ADCY1: variants seen among roughly 807,000 people sequenced by gnomAD.
ADCY1 encodes the protein adenylate cyclase type 1.
Under a neutral mutation model 105.4 loss-of-function variants are expected in ADCY1, and 28 were observed. That is an observed-to-expected ratio of 0.27 (90% confidence interval 0.20 to 0.36). The LOEUF is 0.36. ADCY1 is among the 10% of genes least tolerant of loss of function. The pLI is 1.00. For synonymous variants in ADCY1, 655 were observed against 623.8 expected, an observed-to-expected ratio of 1.05 and a Z score of -0.75; for missense variants, 977 against 1,434.2, an observed-to-expected ratio of 0.68 and a Z score of 5.15.
chr7:45,700,195 C>G (rs1361306094), intron 14 of ADCY1, among the ~76,000 whole-genome samples: 1 of 152,168 alleles, frequency 6.6e-6, no homozygotes, highest in African/African-American at 2.4e-5. Flanking sequence ...GACATGTGCA[C>G]CCTGCCCAGC....
At chr7:45,610,828 T>C (rs1562687210) in intron 3 of ADCY1, among the ~76,000 whole-genome samples, 13 of 32,398 alleles carry the variant, frequency 4.0e-4, no homozygotes, top group East Asian at 8.4e-4. Context: ...ATGGAGGTGA[T>C]AGTGGAGGTG....
intron 5 of ADCY1, among the ~76,000 whole-genome samples, chr7:45,656,841 G>C (rs999318211): frequency 1.9e-4 from 29 of 152,208 alleles, no homozygotes; most frequent in African/African-American, 6.8e-4. Flanking sequence ...GCTTTTGTTA[G>C]TATTTCCATC....
chr7:45,670,052 T>C (rs1384856244), intron 8 of ADCY1, among the ~76,000 whole-genome samples: 1 of 152,242 alleles, frequency 6.6e-6, no homozygotes, highest in East Asian at 1.9e-4. Context: ...AATTTTTTCT[T>C]TTAATAAGCA....
intron 4 of ADCY1, among the ~76,000 whole-genome samples, chr7:45,637,399 G>A (rs1794418824): frequency 6.6e-6 from 1 of 152,088 alleles, no homozygotes; most frequent in South Asian, 2.1e-4. Flanking sequence ...CATTTATGCA[G>A]TCTATTTCTT....
At chr7:45,684,926 T>C (rs1010746464) in intron 11 of ADCY1, 53 bp from the exon 12 acceptor site, 33 of 1,519,510 alleles carry the variant, frequency 2.2e-5, no homozygotes, top group Admixed American at 1.3e-4. Context: ...ACTGTGCACG[T>C]GAATCACCTT....
At chr7:45,598,006 C>G (rs1254340386) in intron 2 of ADCY1, among the ~76,000 whole-genome samples, 1 of 152,216 alleles carries the variant, frequency 6.6e-6, no homozygotes, top group Non-Finnish European at 1.5e-5. Context: ...CCCTGGGCCC[C>G]TGCCCTTCAT....
At chr7:45,615,090 C>T (rs1793701488) in intron 3 of ADCY1, among the ~76,000 whole-genome samples, 1 of 152,158 alleles carries the variant, frequency 6.6e-6, no homozygotes, top group Admixed American at 6.5e-5. Flanking sequence ...TTCTCAAGTG[C>T]ACATGGATCT....
intron 14 of ADCY1, among the ~76,000 whole-genome samples, chr7:45,687,657 C>T (rs991282454): frequency 6.6e-6 from 1 of 152,222 alleles, no homozygotes; most frequent in Non-Finnish European, 1.5e-5. Context: ...AATAGCTCTT[C>T]GCTGTTGGAG....
chr7:45,703,791 T>C lies in ADCY1; in HGVS notation c.2718+45T>C. ...TCCTGACCCCGCCTGGTTGTGGTGG[T>C]GCATCCTGTTGCGTGGGCAGAGCGT... On this transcript the variant is annotated intron_variant, in intron 16 of 19. Coordinates refer to ENST00000297323, the MANE Select transcript of ADCY1 (RefSeq NM_021116.4). This position sits in a 1 kb window ranked among gnomAD's most constrained non-coding sequence, Gnocchi z 5.9. The C allele has an allele frequency of 6.5e-7, 1 of 1,530,376 alleles. No homozygotes were observed. Among genetic ancestry groups the C allele is most frequent in the Non-Finnish European group, 8.8e-7 (1 of 1,136,300 alleles). The allele number at this position is 1,530,376 out of a possible 1,614,324, so 94.8% of individuals were successfully genotyped here.
intron 4 of ADCY1, among the ~76,000 whole-genome samples, chr7:45,638,804 C>T (rs1257980177): frequency 6.6e-6 from 1 of 152,122 alleles, no homozygotes; most frequent in Non-Finnish European, 1.5e-5. Context: ...AAAGAGCTAC[C>T]TTTCCTTCTA....
chr7:45,692,491 C>T (rs2116227905), intron 14 of ADCY1, among the ~76,000 whole-genome samples: 1 of 152,256 alleles, frequency 6.6e-6, no homozygotes, highest in African/African-American at 2.4e-5. Context: ...GATGTGATAT[C>T]ATTTAAATGT....
chr7:45,638,540 C>T (rs1267054969), intron 4 of ADCY1, among the ~76,000 whole-genome samples: 1 of 144,694 alleles, frequency 6.9e-6, no homozygotes, highest in East Asian at 2.0e-4. Flanking sequence ...GTTGGTGTTA[C>T]GTATTTTTCA....
chr7:45,688,458 G>A (rs1409378705), intron 14 of ADCY1, among the ~76,000 whole-genome samples: 1 of 152,154 alleles, frequency 6.6e-6, no homozygotes, highest in African/African-American at 2.4e-5. Context: ...GGTGTGAGGA[G>A]CATCTGGAGG....
At chr7:45,594,953 CAT>C (rs1236031509) in intron 2 of ADCY1, among the ~76,000 whole-genome samples, 1 of 152,166 alleles carries the variant, frequency 6.6e-6, no homozygotes, top group Non-Finnish European at 1.5e-5. Flanking sequence ...TTTGCACAGA[CAT>C]AGCTACTGGT....
chr7:45,593,059 G>T (rs1792971012), intron 2 of ADCY1, 151 bp downstream of exon 2: 1 of 1,196,768 alleles, frequency 8.4e-7, no homozygotes, highest in South Asian at 1.6e-5. Flanking sequence ...TGGAGGAGAT[G>T]CCCTGAGGTT....
intron 4 of ADCY1, among the ~76,000 whole-genome samples, chr7:45,630,100 C>G (rs1794196089): frequency 6.6e-6 from 1 of 152,018 alleles, no homozygotes; most frequent in Non-Finnish European, 1.5e-5. Flanking sequence ...ACCTTTTGAC[C>G]ACTTCTTTTT....
At chr7:45,705,746 C>T (rs1030828000) in intron 17 of ADCY1, among the ~76,000 whole-genome samples, 2 of 152,112 alleles carry the variant, frequency 1.3e-5, no homozygotes, top group African/African-American at 4.8e-5. Flanking sequence ...GGCATACAGA[C>T]TGAGAAGGAA....
In ADCY1 at chr7:45,586,668, C is replaced by T. The variant is rs75529125; in HGVS notation, c.640-6091C>T. On this transcript the variant is annotated intron_variant, in intron 1 of 19. Transcript: ENST00000297323. ...ATGGTTTAAAGAGAATGATGTCACA[C>T]CAGCACTCAGCCGCTGGTGAGCACC... 7.5e-3 allele frequency among the ~76,000 whole-genome samples: 1,139 copies of T among 152,318 alleles called. 30 individuals carry two copies. The highest frequency in any genetic ancestry group is 0.051 in the Admixed American group (773 of 15,306).
chr7:45,669,362 T>C (rs1178718096), intron 8 of ADCY1, among the ~76,000 whole-genome samples: 1 of 152,248 alleles, frequency 6.6e-6, no homozygotes, highest in Admixed American at 6.5e-5. Context: ...AGAACATCTT[T>C]ATTTCTGCCT....
Sources: gnomAD v4.1 joint callset for allele counts (sites outside exome capture counted in the v4.1 genomes callset) on GRCh38, gnomAD v4.1.1 for gene constraint, Gnocchi (gnomAD v3.1) non-coding constraint, MANE v1.5 for transcripts, NCBI Gene and HGNC (gene_info 2026-07-23, HGNC 2026-07-21) for gene names.